TOGARAM2: variants seen among roughly 807,000 people sequenced by gnomAD.
The protein encoded by TOGARAM2 is TOG array regulator of axonemal microtubules 2, also known as TOG array regulator of axonemal microtubules protein 2.
In TOGARAM2, 85 loss-of-function variants were observed where a neutral mutation model predicts 93.3. That is an observed-to-expected ratio of 0.91 (90% CI 0.76 to 1.09). The LOEUF is 1.09. Ranked by LOEUF, TOGARAM2 falls within the 50% of genes least tolerant of loss-of-function variation. TOGARAM2 has a pLI of 0.00. For missense variants in TOGARAM2, 1,277 were observed against 1,334.5 expected, an observed-to-expected ratio of 0.96 and a Z score of 0.67; for synonymous variants, 593 against 552.8, an observed-to-expected ratio of 1.07 and a Z score of -1.02.
chr2:28,967,214 T>TA (rs970279132), intron 1 of TOGARAM2, among the ~76,000 whole-genome samples: 9 of 152,218 alleles, frequency 5.9e-5, no homozygotes, highest in Non-Finnish European at 1.2e-4. Context: ...TTGTAAAAAT[T>TA]AAAAAAACCC....
chr2:28,984,817 A>T (rs936084125), intron 1 of TOGARAM2, among the ~76,000 whole-genome samples: 2 of 152,078 alleles, frequency 1.3e-5, no homozygotes, highest in Non-Finnish European at 2.9e-5. Context: ...CCCTCCCAAA[A>T]CCTTAATCCT....
chr2:28,996,043 G>C (rs1672973916), intron 2 of TOGARAM2, among the ~76,000 whole-genome samples: 1 of 152,240 alleles, frequency 6.6e-6, no homozygotes, highest in Non-Finnish European at 1.5e-5. Flanking sequence ...GCATGGGGAA[G>C]AGAGAGTAAC....
intron 1 of TOGARAM2, among the ~76,000 whole-genome samples, chr2:28,972,263 G>C (rs1408934218): frequency 1.3e-5 from 2 of 152,032 alleles, no homozygotes; most frequent in Non-Finnish European, 2.9e-5. Context: ...TAATTTTTTT[G>C]ATGTTAGTAG....
intron 4 of TOGARAM2, 111 bp downstream of exon 4, chr2:28,999,579 T>C: frequency 7.9e-7 from 1 of 1,265,762 alleles, no homozygotes; most frequent in Non-Finnish European, 1.1e-6. Context: ...TGGGATGCCC[T>C]GGGGGTGATC....
chr2:28,997,202 C>T (rs887068518), intron 2 of TOGARAM2, among the ~76,000 whole-genome samples: 11 of 145,184 alleles, frequency 7.6e-5, no homozygotes, highest in Non-Finnish European at 1.4e-4. Flanking sequence ...ACTATCCATC[C>T]GACAAAGGAT....
intron 8 of TOGARAM2, 133 bp from the exon 9 acceptor site, chr2:29,017,021 A>G: frequency 9.1e-7 from 1 of 1,095,896 alleles, no homozygotes; most frequent in Admixed American, 2.3e-5. Flanking sequence ...AAAGCTCTTA[A>G]GGTGCAAGGA....
At position 29,015,063 on chromosome 2, in the gene TOGARAM2, C is replaced by T. The variant is rs77132388; in HGVS notation, c.1044+502C>T. ...AAGGTGGTCTCTTCCCTGGTTGGAA[C>T]GAATTTAGTGAAGCTTGGGGAGTCA... On this transcript the variant is annotated intron_variant, in intron 8 of 19. Transcript: ENST00000379558. 5.0e-3 allele frequency among the ~76,000 whole-genome samples: 757 copies of T among 152,276 alleles called. 7 individuals are homozygous for T. The highest frequency in any genetic ancestry group is 0.017 in the African/African-American group (703 of 41,548).
chr2:29,022,384 A>C lies in TOGARAM2; in HGVS notation c.1511+76A>C. 1.7e-5 allele frequency: 26 copies of C among 1,557,566 alleles called. No homozygotes were observed. In the South Asian group the frequency reaches 3.0e-4, roughly 18 times the overall value. ...GTTGCAGAATAGCTTCTGCCCCTCA[A>C]CTTCCCTCCTCTCCCACTCTGGGGT... On this transcript the variant is annotated intron_variant, in intron 11 of 19. Coordinates refer to ENST00000379558, the MANE Select transcript of TOGARAM2 (RefSeq NM_199280.4).
chr2:29,028,589 A>T (rs1665553591), intron 14 of TOGARAM2, among the ~76,000 whole-genome samples: 1 of 151,576 alleles, frequency 6.6e-6, no homozygotes, highest in African/African-American at 2.4e-5. Flanking sequence ...AATGAGTTTG[A>T]GTGTTTCTTT....
chr2:28,992,911 T>G (rs1327871534), intron 1 of TOGARAM2, among the ~76,000 whole-genome samples: 1 of 151,986 alleles, frequency 6.6e-6, no homozygotes, highest in Non-Finnish European at 1.5e-5. Flanking sequence ...AATACAAAAA[T>G]TAGCTGGCCA....
intron 1 of TOGARAM2, among the ~76,000 whole-genome samples, chr2:28,976,231 C>G (rs1338812753): frequency 6.6e-6 from 1 of 152,090 alleles, no homozygotes; most frequent in African/African-American, 2.4e-5. Flanking sequence ...ATTAGCCGGA[C>G]GTGGTGGCGG....
At chr2:29,037,876 C>G (rs1029967113) in intron 18 of TOGARAM2, among the ~76,000 whole-genome samples, 3 of 152,210 alleles carry the variant, frequency 2.0e-5, no homozygotes, top group Non-Finnish European at 4.4e-5. Flanking sequence ...ATAACCAAGG[C>G]TCTTGGTAAA....
At chr2:28,963,773 C>T (rs992676073) in intron 1 of TOGARAM2, among the ~76,000 whole-genome samples, 20 of 152,084 alleles carry the variant, frequency 1.3e-4, no homozygotes, top group African/African-American at 3.9e-4. Context: ...TTTGGGAGGC[C>T]GAGGTGAGCG....
At chr2:29,005,507 T>G (rs114383125) in intron 6 of TOGARAM2, among the ~76,000 whole-genome samples, 11 of 136,876 alleles carry the variant, frequency 8.0e-5, no homozygotes, top group South Asian at 2.4e-4. Flanking sequence ...GTGCATGTGT[T>G]TGTGTAACTA....
chr2:29,030,070 T>C (rs954116253), intron 14 of TOGARAM2, among the ~76,000 whole-genome samples: 1 of 152,114 alleles, frequency 6.6e-6, no homozygotes, highest in Non-Finnish European at 1.5e-5. Flanking sequence ...GCCCAGGAGT[T>C]TGAGATCAGC....
chr2:28,992,257 C>A (rs545000497), intron 1 of TOGARAM2, among the ~76,000 whole-genome samples: 6 of 152,116 alleles, frequency 3.9e-5, no homozygotes, highest in African/African-American at 7.2e-5. Flanking sequence ...CCTCTCACTG[C>A]GCTCACGTTA....
intron 1 of TOGARAM2, among the ~76,000 whole-genome samples, chr2:28,974,818 A>G (rs956937134): frequency 6.6e-6 from 1 of 151,596 alleles, no homozygotes; most frequent in African/African-American, 2.4e-5. Flanking sequence ...TTTAATAGAG[A>G]CAGGGTTTCA....
chr2:28,997,614 G>T (rs1055717502), intron 2 of TOGARAM2, among the ~76,000 whole-genome samples: 5 of 152,220 alleles, frequency 3.3e-5, no homozygotes, highest in African/African-American at 1.2e-4. Flanking sequence ...GGGAAGATCA[G>T]TGTAGGACAT....
rs778409113 is a variant in TOGARAM2, at chr2:28,999,367, C to T, written c.326C>T (p.Ser109Phe). 5.6e-6 allele frequency: 9 copies of T among 1,613,402 alleles called. No individual in the cohort carries two copies. In the Admixed American group the frequency reaches 1.0e-4, roughly 18 times the overall value. Reference sequence around the variant, plus strand: ...GACCAGCCCCTGGTGCTCCTCCCTTCTCCGGAGTCAGAGGCCAACAGCGTG... The same window carrying T: ...GACCAGCCCCTGGTGCTCCTCCCTTTTCCGGAGTCAGAGGCCAACAGCGTG... ...LGDQPLVLLP[S>F]PESEANSVAR... The change falls in exon 4 of 20, where the codon TCT becomes TTT. Residue 109 changes from serine (S) to phenylalanine (F), a missense_variant. Transcript: ENST00000379558.
Sources: gnomAD v4.1 joint callset for allele counts (sites outside exome capture counted in the v4.1 genomes callset) on GRCh38, gnomAD v4.1.1 for gene constraint, MANE v1.5 for transcripts, NCBI Gene and HGNC (gene_info 2026-07-23, HGNC 2026-07-21) for gene names.